PARD3: variants seen among roughly 807,000 people sequenced by gnomAD.
PARD3 encodes par-3 family cell polarity regulator.
A neutral mutation model predicts 155.4 loss-of-function variants in PARD3; 75 were observed. The observed-to-expected ratio is 0.48, with a 90% CI of 0.40 to 0.58. PARD3 has a LOEUF of 0.58. PARD3 is among the 20% of genes least tolerant of loss of function. The pLI, the probability that PARD3 is intolerant of heterozygous loss-of-function variation, is 0.00. For synonymous variants in PARD3, 576 were observed against 610.5 expected, an observed-to-expected ratio of 0.94 and a Z score of 0.83; for missense variants, 1,642 against 1,721.7, an observed-to-expected ratio of 0.95 and a Z score of 0.82.
rs1367228055 is a variant in PARD3, at chr10:34,109,732, C to T, written c.*1437G>A. On this transcript the variant is annotated 3_prime_UTR_variant, in exon 25 of 25. Transcript: ENST00000374788. ...GTGATTAAGAAACAGAACCATGACA[C>T]AGAAATGCAGAAGAGACACGGGTAC... is the stretch of plus-strand genomic sequence containing the variant. The T allele has an allele frequency of 6.6e-6, 1 of 151,954 alleles. No individual in the cohort carries two copies. Among genetic ancestry groups the T allele is most frequent in the African/African-American group, 2.4e-5 (1 of 41,348 alleles). 9.4% of individuals were successfully genotyped at this position (151,954 alleles called of 1,614,324 possible).
intron 2 of PARD3, among the ~76,000 whole-genome samples, chr10:34,678,678 G>T (rs1028662560): frequency 6.6e-6 from 1 of 151,950 alleles, no homozygotes; most frequent in African/African-American, 2.4e-5. Context: ...ATTCACAAAT[G>T]AATTGATAGC....
At chr10:34,492,031 A>C (rs2133331488) in intron 3 of PARD3, among the ~76,000 whole-genome samples, 2 of 152,358 alleles carry the variant, frequency 1.3e-5, no homozygotes, top group South Asian at 4.1e-4. Flanking sequence ...GATTCAAAGC[A>C]GAATGCCATT....
At chr10:34,703,480 A>C (rs928460346) in intron 1 of PARD3, among the ~76,000 whole-genome samples, 4 of 152,008 alleles carry the variant, frequency 2.6e-5, no homozygotes, top group Admixed American at 6.6e-5. Context: ...AAAGACAAAG[A>C]AGATAAAAAA....
intron 9 of PARD3, 79 bp from the exon 10 acceptor site, chr10:34,378,185 A>G (rs1841446545): frequency 2.0e-6 from 2 of 1,022,738 alleles, no homozygotes; most frequent in Non-Finnish European, 2.9e-6. Context: ...AGTATACTCA[A>G]CCTCAACTTG....
Position 34,736,009 on chromosome 10 carries a change from C to T in PARD3, c.121-39590G>A, listed in dbSNP as rs112229519. ...AAATTGTTCAGATTACAGGCATGAG[C>T]CACCACACCAAACTTGTTACTTTTT... is the stretch of plus-strand genomic sequence containing the variant. On this transcript the variant is annotated intron_variant, in intron 1 of 24. Transcript: ENST00000374788. 5.5e-3 allele frequency among the ~76,000 whole-genome samples: 838 copies of T among 152,134 alleles called. 8 individuals are homozygous for T. Among genetic ancestry groups the T allele is most frequent in the African/African-American group, 0.019 (797 of 41,488 alleles).
intron 1 of PARD3, among the ~76,000 whole-genome samples, chr10:34,716,896 G>C (rs955270744): frequency 6.6e-6 from 1 of 151,928 alleles, no homozygotes; most frequent in Non-Finnish European, 1.5e-5. Context: ...CCAGCCTCAG[G>C]ATGGCTTTGA....
chr10:34,176,028 T>C (rs1349953827), intron 22 of PARD3, among the ~76,000 whole-genome samples: 2 of 152,186 alleles, frequency 1.3e-5, no homozygotes, highest in Admixed American at 6.5e-5. Flanking sequence ...AGTAGGTAAT[T>C]AGTTTAGCAA....
chr10:34,444,766 C>T (rs944774749), intron 5 of PARD3, among the ~76,000 whole-genome samples: 3 of 152,198 alleles, frequency 2.0e-5, no homozygotes, highest in East Asian at 3.8e-4. Flanking sequence ...GGACCAATAC[C>T]ACCCAAAGAA....
chr10:34,579,934 T>C (rs994105234), intron 2 of PARD3, among the ~76,000 whole-genome samples: 3 of 146,226 alleles, frequency 2.1e-5, no homozygotes, highest in African/African-American at 7.7e-5. Context: ...GTTTTTGAGA[T>C]GGAGTCTTAC....
intron 1 of PARD3, among the ~76,000 whole-genome samples, chr10:34,808,492 G>A (rs552245677): frequency 3.8e-4 from 58 of 152,260 alleles, no homozygotes; most frequent in African/African-American, 1.3e-3. Flanking sequence ...CAGCTCTACT[G>A]CCATTGACCT....
chr10:34,701,965 C>T (rs149345542), intron 1 of PARD3, among the ~76,000 whole-genome samples: 265 of 152,218 alleles, frequency 1.7e-3, no homozygotes, highest in African/African-American at 6.1e-3. Context: ...GAGTTTGAAA[C>T]CAGCCTGGCC....
intron 2 of PARD3, among the ~76,000 whole-genome samples, chr10:34,579,632 G>A (rs768749700): frequency 1.3e-5 from 2 of 150,256 alleles, no homozygotes; most frequent in Non-Finnish European, 2.9e-5. Flanking sequence ...CCAGGCTGGA[G>A]TGCAGTGGCA....
chr10:34,223,887 A>G (rs1354592321), intron 22 of PARD3, among the ~76,000 whole-genome samples: 2 of 152,236 alleles, frequency 1.3e-5, no homozygotes, highest in African/African-American at 4.8e-5. Context: ...ACACACAGCC[A>G]GCAGGTGGCA....
At position 34,382,749 on chromosome 10, in the gene PARD3, G is replaced by T; in HGVS notation, c.1190C>A (p.Ala397Glu). The T allele has an allele frequency of 1.2e-6, 2 of 1,614,158 alleles. No individual in the cohort carries two copies. Among genetic ancestry groups the T allele is most frequent in the Non-Finnish European group, 1.7e-6 (2 of 1,180,012 alleles). The change falls in exon 9 of 25, where the codon GCA becomes GAA. Residue 397 changes from alanine to glutamate, a missense_variant. Ala to Glu is a moderately radical substitution (Grantham distance 107). Transcript: ENST00000374788. ...TGCTCTCTGCACCGTGTGAAGCCCTGCACTGTTCACACTCCTGTTGTCAAT... is the reference window on the plus strand; with the variant it reads ...TGCTCTCTGCACCGTGTGAAGCCCTTCACTGTTCACACTCCTGTTGTCAAT... ...QYIDNRSVNSAGLHTVQRAPR... is the reference protein window; with the variant it reads ...QYIDNRSVNSEGLHTVQRAPR...
chr10:34,399,142 C>T (rs1400330663), intron 7 of PARD3, among the ~76,000 whole-genome samples, 188 bp downstream of exon 7: 1 of 152,138 alleles, frequency 6.6e-6, no homozygotes, highest in Non-Finnish European at 1.5e-5. Flanking sequence ...TCCTGCAAAA[C>T]CTCTCTTCAT....
At chr10:34,433,294 G>A (rs60037183) in intron 5 of PARD3, among the ~76,000 whole-genome samples, 34 of 152,184 alleles carry the variant, frequency 2.2e-4, no homozygotes, top group African/African-American at 7.7e-4. Context: ...AATACACCAA[G>A]TCACTGCCTA....
At chr10:34,149,661 A>C (rs1443390010) in intron 22 of PARD3, among the ~76,000 whole-genome samples, 1 of 152,208 alleles carries the variant, frequency 6.6e-6, no homozygotes, top group Non-Finnish European at 1.5e-5. Flanking sequence ...ATTGAGCATA[A>C]GAAAATTCAT....
chr10:34,289,930 A>G (rs1956592635), intron 20 of PARD3, among the ~76,000 whole-genome samples: 1 of 152,232 alleles, frequency 6.6e-6, no homozygotes, highest in Non-Finnish European at 1.5e-5. Flanking sequence ...AAATGACAAC[A>G]AAGGATGACA....
intron 22 of PARD3, among the ~76,000 whole-genome samples, chr10:34,246,252 C>A (rs1211777241): frequency 1.3e-5 from 2 of 152,134 alleles, no homozygotes; most frequent in Non-Finnish European, 2.9e-5. Context: ...TAAGAGATTT[C>A]CACTTCCAGC....
Sources: allele counts gnomAD v4.1 joint callset (sites outside exome capture counted in the v4.1 genomes callset), GRCh38; gene constraint gnomAD v4.1.1; transcripts MANE v1.5; gene names NCBI Gene and HGNC (gene_info 2026-07-23, HGNC 2026-07-21).